NOX4: variants seen among roughly 807,000 people sequenced by gnomAD.
The protein encoded by NOX4 is NADPH oxidase 4.
NOX4 carries 69 observed loss-of-function variants against 87.6 expected under a neutral mutation model. The observed-to-expected ratio is 0.79, with a 90% CI of 0.65 to 0.96. The LOEUF (loss-of-function observed/expected upper bound fraction) is 0.96, where lower values mean the gene tolerates loss of function less well. Among genes scored for constraint, NOX4 ranks in the 40% least tolerant of loss-of-function variants. NOX4 has a pLI of 0.00. For missense variants in NOX4, 680 were observed against 681.5 expected (o/e 1.00, Z 0.02); for synonymous variants, 275 against 238.2 (o/e 1.15, Z -1.42).
intron 8 of NOX4, among the ~76,000 whole-genome samples, chr11:89,406,596 A>C (rs1381041083): frequency 2.0e-5 from 3 of 152,252 alleles, no homozygotes; most frequent in Non-Finnish European, 4.4e-5. Context: ...CACAGTCTAG[A>C]GCAGCACTGT....
At chr11:89,584,171 C>T in the NOX4 span, among the ~76,000 whole-genome samples, 1 of 152,182 alleles carries the variant, frequency 6.6e-6, no homozygotes, top group Admixed American at 6.5e-5. Flanking sequence ...ACTTTATATT[C>T]ATTTCTCTTA....
In NOX4 at chr11:89,335,775, A is replaced by G. The variant is rs1590949746; in HGVS notation, c.1616+70T>C. The G allele has an allele frequency of 4.3e-6, 3 of 694,696 alleles. No homozygotes were observed. The East Asian group carries it at 9.5e-5, about 22-fold the overall frequency. 43.0% of individuals were successfully genotyped at this position (694,696 alleles called of 1,614,324 possible). A position where few individuals can be genotyped will look rare whatever the true frequency, so the allele number is the denominator to read the frequency against. ...CATTGCCAATTCATTTTCAAACTTC[A>G]TGTAATTATTTGAAAATATTTTAAT... is the stretch of plus-strand genomic sequence containing the variant. On this transcript the variant is annotated intron_variant, in intron 17 of 17. Coordinates refer to ENST00000263317, the MANE Select transcript of NOX4 (RefSeq NM_016931.5).
At chr11:89,366,019 T>C (rs996292907) in intron 12 of NOX4, among the ~76,000 whole-genome samples, 1 of 152,102 alleles carries the variant, frequency 6.6e-6, no homozygotes. Flanking sequence ...AAAATGTTCC[T>C]GATAATAATG....
chr11:89,555,237 A>C, the NOX4 span, among the ~76,000 whole-genome samples: 3 of 152,062 alleles, frequency 2.0e-5, no homozygotes, highest in South Asian at 2.1e-4. Flanking sequence ...AAATCCTAAC[A>C]CTTTGGAAGG....
chr11:89,540,541 A>G, the NOX4 span, among the ~76,000 whole-genome samples: 1 of 151,898 alleles, frequency 6.6e-6, no homozygotes, highest in Non-Finnish European at 1.5e-5. Flanking sequence ...TAATCCCAGT[A>G]CTTTGGGAGA....
rs1288978061 is a variant in NOX4, at chr11:89,326,130, A to T, written c.*626T>A. 1 of 151,890 alleles carries T rather than the reference A, an allele frequency of 6.6e-6. No individual in the cohort carries two copies. Among genetic ancestry groups the T allele is most frequent in the Non-Finnish European group, 1.5e-5 (1 of 67,950 alleles). 9.4% of individuals were successfully genotyped at this position (151,890 alleles called of 1,614,324 possible). A position where few individuals can be genotyped will look rare whatever the true frequency, so the allele number is the denominator to read the frequency against. On this transcript the variant is annotated 3_prime_UTR_variant, in exon 18 of 18. Coordinates refer to ENST00000263317, the MANE Select transcript of NOX4 (RefSeq NM_016931.5). Reference sequence around the variant, plus strand: ...AAAAGAAAAAAATATATAAAAATAGATACTATAACAACATTTGAGGAAGGT... The same window carrying T: ...AAAAGAAAAAAATATATAAAAATAGTTACTATAACAACATTTGAGGAAGGT...
In NOX4 at chr11:89,438,372, TATAATATATAATATATAATTATAATATAA is replaced by T. The variant is rs1375751514; in HGVS notation, c.475+2287_475+2315del. The stretch of plus-strand genomic sequence containing the variant: ...TATATACTATATATTATATAATATA[TATAATATATAATATATAATTATAATATAA>T]ATAATATATAATATATAATTATAAT... On this transcript the variant is annotated intron_variant, in intron 6 of 17. Transcript: ENST00000263317. Among the ~76,000 whole-genome samples, 91 of 96,906 alleles carry T rather than the reference TATAATATATAATATATAATTATAATATAA, an allele frequency of 9.4e-4. 1 individual carries two copies. Among genetic ancestry groups the T allele is most frequent in the African/African-American group, 3.3e-3 (81 of 24,356 alleles). The allele number at this position is 96,906 out of a possible 152,430, so 63.6% of individuals were successfully genotyped here.
intron 8 of NOX4, among the ~76,000 whole-genome samples, chr11:89,412,475 C>A (rs1465922772): frequency 6.6e-6 from 1 of 151,998 alleles, no homozygotes; most frequent in Non-Finnish European, 1.5e-5. Context: ...TTCCTGACCA[C>A]AATGGAACAG....
intron 2 of NOX4, among the ~76,000 whole-genome samples, chr11:89,463,788 G>C (rs988146255): frequency 1.1e-4 from 17 of 151,878 alleles, no homozygotes; most frequent in African/African-American, 3.9e-4. Flanking sequence ...TGGACAAATA[G>C]ATATAATACC....
At chr11:89,532,682 G>A in the NOX4 span, among the ~76,000 whole-genome samples, 6 of 152,236 alleles carry the variant, frequency 3.9e-5, no homozygotes, top group East Asian at 9.7e-4. Context: ...AAGGACATGA[G>A]ATTTGGGAGG....
chr11:89,500,613 T>C (rs2135511328), upstream of NOX4, among the ~76,000 whole-genome samples: 1 of 152,300 alleles, frequency 6.6e-6, no homozygotes, highest in South Asian at 2.1e-4. Context: ...GTATGTCCTT[T>C]TACAAAGGAA....
chr11:89,489,509 C>T (rs1591376355), intron 2 of NOX4, among the ~76,000 whole-genome samples: 2 of 152,042 alleles, frequency 1.3e-5, no homozygotes, highest in African/African-American at 4.8e-5. Flanking sequence ...AGGCGGATCA[C>T]TTGAGGTCAG....
chr11:89,341,547 C>T (rs1417875633), intron 14 of NOX4, among the ~76,000 whole-genome samples: 2 of 152,124 alleles, frequency 1.3e-5, no homozygotes, highest in African/African-American at 4.8e-5. Flanking sequence ...TAAACCCAGC[C>T]CTTTATTTCC....
At chr11:89,380,085 A>G (rs1457640473) in intron 11 of NOX4, among the ~76,000 whole-genome samples, 1 of 152,198 alleles carries the variant, frequency 6.6e-6, no homozygotes, top group African/African-American at 2.4e-5. Context: ...CTGGGCTAGG[A>G]ATATAAACTT....
chr11:89,510,384 C>T, the NOX4 span, among the ~76,000 whole-genome samples: 2 of 152,054 alleles, frequency 1.3e-5, no homozygotes, highest in Admixed American at 6.6e-5. Flanking sequence ...AAATATGAAA[C>T]TTACAAAATA....
At chr11:89,374,682 A>G (rs556237363) in intron 11 of NOX4, among the ~76,000 whole-genome samples, 2 of 152,324 alleles carry the variant, frequency 1.3e-5, no homozygotes, top group African/African-American at 4.8e-5. Flanking sequence ...TAAAGTAAAG[A>G]TACATAAAAT....
chr11:89,537,107 A>G, the NOX4 span, among the ~76,000 whole-genome samples: 1 of 152,254 alleles, frequency 6.6e-6, no homozygotes, highest in Admixed American at 6.5e-5. Flanking sequence ...AGAGCCAAGG[A>G]GAGCAGCTTG....
chr11:89,484,295 T>C (rs540271799), intron 2 of NOX4, among the ~76,000 whole-genome samples: 32 of 152,246 alleles, frequency 2.1e-4, no homozygotes, highest in Non-Finnish European at 3.5e-4. Context: ...TTCTGAAAAG[T>C]ATTGTGAAAT....
Position 89,331,345 on chromosome 11 carries a change from T to C in NOX4, c.1617-4469A>G, listed in dbSNP as rs188258622. 4.6e-5 allele frequency among the ~76,000 whole-genome samples: 7 copies of C among 151,880 alleles called. No individual in the cohort carries two copies. The East Asian group carries it at 7.7e-4, about 17-fold the overall frequency. Reference sequence around the variant, plus strand: ...AGCAAAAGTGGTGTTTAGAGGAAAATGTATAGCATTAAACACTTTTATTAA... The same window carrying C: ...AGCAAAAGTGGTGTTTAGAGGAAAACGTATAGCATTAAACACTTTTATTAA... On this transcript the variant is annotated intron_variant, in intron 17 of 17. Transcript: ENST00000263317.
Sources: gnomAD v4.1 joint callset for allele counts (sites outside exome capture counted in the v4.1 genomes callset) on GRCh38, gnomAD v4.1.1 for gene constraint, MANE v1.5 for transcripts, NCBI Gene and HGNC (gene_info 2026-07-23, HGNC 2026-07-21) for gene names.